G6PD: variants seen among roughly 807,000 people sequenced by gnomAD.
G6PD encodes the protein glucose-6-phosphate dehydrogenase, also known as glucose-6-phosphate 1-dehydrogenase.
In G6PD, 2 loss-of-function variants were observed where a neutral mutation model predicts 38.2. The observed-to-expected ratio is 0.05, with a 90% CI of 0.02 to 0.16. G6PD has a LOEUF of 0.16. G6PD is among the 10% of genes least tolerant of loss of function. G6PD has a pLI of 1.00. For missense variants in G6PD, 310 were observed against 471.6 expected (o/e 0.66, Z 3.17); for synonymous variants, 188 against 196.0 (o/e 0.96, Z 0.34).
chrX:154,532,856 T>TGC (rs1557229799), intron 9 of G6PD, 54 bp from the exon 10 acceptor site: 2 of 1,201,605 alleles, frequency 1.7e-6, no homozygotes, highest in East Asian at 5.9e-5. Context: ...TGTGGACCAG[T>TGC]GCGTGAGTGT....
chrX:154,532,520 G>A (rs2070351277), intron 10 of G6PD, 47 bp downstream of exon 10: 9 of 1,204,175 alleles, frequency 7.5e-6, no homozygotes, highest in Middle Eastern at 2.3e-4. Flanking sequence ...GGAGTCCCCC[G>A]GGCCCAGGCC....
At chrX:154,535,887 G>A (rs1557230732) in intron 4 of G6PD, 50 bp downstream of exon 4, 2 of 1,053,986 alleles carry the variant, frequency 1.9e-6, no homozygotes, top group South Asian at 3.8e-5. Flanking sequence ...CATGCTGGGG[G>A]CTGGTAGAGA....
chrX:154,543,933 T>C (rs2070605487), intron 2 of G6PD, among the ~76,000 whole-genome samples: 2 of 108,452 alleles, frequency 1.8e-5, no homozygotes, highest in Non-Finnish European at 3.8e-5. Flanking sequence ...AGTGTTGCGA[T>C]TTCTGCTCAC....
At position 154,535,977 on chromosome X, in the gene G6PD, G is replaced by A. The variant is rs2148331887; in HGVS notation, c.227C>T (p.Thr76Ile). The A allele has an allele frequency of 8.3e-7, 1 of 1,212,084 alleles. No individual in the cohort carries two copies. Among genetic ancestry groups the A allele is most frequent in the Admixed American group, 2.2e-5 (1 of 46,095 alleles). Residue 76 changes from threonine to isoleucine, a missense_variant, in exon 4 of 13, where the codon ACA becomes ATA. Transcript: ENST00000393562. ...FIVGYARSRL[T>I]VADIRKQSEP... is the part of the protein sequence containing the mutation. Reference sequence around the variant, plus strand: ...ACTCTGTTTGCGGATGTCAGCCACTGTGAGGCGGGAACGGGCATAGCCCAC... The same window carrying A: ...ACTCTGTTTGCGGATGTCAGCCACTATGAGGCGGGAACGGGCATAGCCCAC...
Position 154,531,868 on chromosome X carries a change from C to G in G6PD, c.*132G>C. ...CTCGGGTAGTAGCAGCAGCGAGGGG[C>G]GGGCCAGGGTGGCCAGAGCCCGGGG... is the stretch of plus-strand genomic sequence containing the variant. On this transcript the variant is annotated 3_prime_UTR_variant, in exon 13 of 13. Coordinates refer to ENST00000393562, the MANE Select transcript of G6PD (RefSeq NM_001360016.2). The G allele has an allele frequency of 9.6e-7, 1 of 1,042,592 alleles. No individual in the cohort carries two copies. Among genetic ancestry groups the G allele is most frequent in the East Asian group, 3.3e-5 (1 of 29,959 alleles). 85.9% of individuals were successfully genotyped at this position (1,042,592 alleles called of 1,213,427 possible). A position where few individuals can be genotyped will look rare whatever the true frequency, so the allele number is the denominator to read the frequency against.
At chrX:154,532,123 G>A in intron 12 of G6PD, 33 bp from the exon 13 acceptor site, 1 of 1,200,800 alleles carries the variant, frequency 8.3e-7, no homozygotes, top group Middle Eastern at 2.5e-4. Flanking sequence ...GAGGCATGAG[G>A]TAGCTCCACC....
intron 5 of G6PD, 82 bp downstream of exon 5, chrX:154,535,086 C>G: frequency 1.0e-6 from 1 of 978,719 alleles, no homozygotes; most frequent in Non-Finnish European, 1.5e-6. Context: ...AGATCCCCGG[C>G]CCCGGACACG....
At position 154,535,165 on chromosome X, in the gene G6PD, T is replaced by C. The variant is rs2070392633; in HGVS notation, c.485+3A>G. 3.3e-6 allele frequency: 4 copies of C among 1,208,569 alleles called. No individual in the cohort carries two copies. The highest frequency in any genetic ancestry group is 3.0e-5 in the East Asian group (1 of 33,780). On this transcript the variant is annotated splice_donor_region_variant and intron_variant, in intron 5 of 12. Coordinates refer to ENST00000393562, the MANE Select transcript of G6PD (RefSeq NM_001360016.2). ...GGGAAGGGAGGGCAACGGCAAGCCT[T>C]ACATCTGGCTCATGCAGGACTCGTG...
In G6PD at chrX:154,533,624, G is replaced by A; in HGVS notation, c.816C>T (p.Ala272=). ...NHLLQMLCLV[A]MEKPASTNSD... The stretch of plus-strand genomic sequence containing the variant: ...AGTTGGTGGAGGCGGGCTTCTCCAT[G>A]GCCACCAGACACAGCATCTGCAGTA... The change falls in exon 8 of 13, where the codon GCC becomes GCT. Residue 272 remains alanine, a synonymous_variant. Transcript: ENST00000393562. The A allele has an allele frequency of 8.2e-7, 1 of 1,212,153 alleles. No individual in the cohort carries two copies. The highest frequency in any genetic ancestry group is 1.1e-6 in the Non-Finnish European group (1 of 895,554).
At chrX:154,539,600 G>C (rs2070453634) in intron 2 of G6PD, among the ~76,000 whole-genome samples, 1 of 111,501 alleles carries the variant, frequency 9.0e-6, no homozygotes, top group African/African-American at 3.3e-5. Context: ...CCCCAGGTGA[G>C]GGGGCTTCCT....
At chrX:154,541,603 G>A (rs369212076) in intron 2 of G6PD, among the ~76,000 whole-genome samples, 2 of 111,879 alleles carry the variant, frequency 1.8e-5, no homozygotes, top group East Asian at 2.8e-4. Flanking sequence ...GAGTCTACTC[G>A]TGCCATGTGG....
Position 154,546,843 on chromosome X carries a change from T to G in G6PD, c.-63A>C, listed in dbSNP as rs1557233558. 3.5e-6 allele frequency: 4 copies of G among 1,134,867 alleles called. No homozygotes were observed. The highest frequency in any genetic ancestry group is 4.7e-6 in the Non-Finnish European group (4 of 858,743). The allele number at this position is 1,134,867 out of a possible 1,213,427, so 93.5% of individuals were successfully genotyped here. A position where few individuals can be genotyped will look rare whatever the true frequency, so the allele number is the denominator to read the frequency against. ...TCGCAGCCCCGAAGTGTACGACCGT[T>G]TCCGGGGGCTGAGCCCCGCCGGCCC... is the stretch of plus-strand genomic sequence containing the variant. On this transcript the variant is annotated 5_prime_UTR_variant, in exon 1 of 13. Coordinates refer to ENST00000393562, the MANE Select transcript of G6PD (RefSeq NM_001360016.2).
At position 154,534,636 on chromosome X, in the gene G6PD, G is replaced by C. The variant is rs1557230450; in HGVS notation, c.486-140C>G. On this transcript the variant is annotated intron_variant, in intron 5 of 12. Transcript: ENST00000393562. ...CCCGTGGCCACCTCCCGTGCCTTGT[G>C]TTCCCAGATGACCCTCTGGCTCAAC... The C allele has an allele frequency of 4.3e-6, 3 of 690,489 alleles. No individual in the cohort carries two copies. The East Asian group carries it at 1.1e-4, about 24-fold the overall frequency. The allele number at this position is 690,489 out of a possible 1,213,427, so 56.9% of individuals were successfully genotyped here. A position where few individuals can be genotyped will look rare whatever the true frequency, so the allele number is the denominator to read the frequency against.
At chrX:154,536,849 AAGAT>A (rs1268247776) in intron 2 of G6PD, among the ~76,000 whole-genome samples, 1 of 111,970 alleles carries the variant, frequency 8.9e-6, no homozygotes, top group Non-Finnish European at 1.9e-5. Context: ...AAGTGAGAAA[AAGAT>A]AGAACTGCAA....
intron 2 of G6PD, 197 bp downstream of exon 2, chrX:154,545,839 A>T: frequency 4.3e-6 from 1 of 232,339 alleles, no homozygotes; most frequent in Non-Finnish European, 7.3e-6. Flanking sequence ...CCGTCTCCAA[A>T]AAAAAAAAAA....
chrX:154,544,382 G>C (rs902528857), intron 2 of G6PD, among the ~76,000 whole-genome samples: 5 of 107,935 alleles, frequency 4.6e-5, no homozygotes, highest in East Asian at 2.9e-4. Flanking sequence ...GGATGGTCTC[G>C]ATCTCTTGAC....
In G6PD at chrX:154,533,090, G is replaced by T. The variant is rs782271022; in HGVS notation, c.903C>A (p.Asn301Lys). 4 of 1,211,122 alleles carry T rather than the reference G, an allele frequency of 3.3e-6. No individual in the cohort carries two copies. The highest frequency in any genetic ancestry group is 2.2e-5 in the Admixed American group (1 of 46,025). Residue 301 changes from asparagine to lysine, a missense_variant, in exon 9 of 13, where the codon AAC becomes AAA. Coordinates refer to ENST00000393562, the MANE Select transcript of G6PD (RefSeq NM_001360016.2). ...CCACGTACTGGCCCAGGACCACATT[G>T]TTGGCCTGCACCTCTGAGATGCATT... ...VLKCISEVQA[N>K]NVVLGQYVGN...
chrX:154,535,012 C>T (rs1340401510), intron 5 of G6PD, 156 bp downstream of exon 5: 3 of 558,194 alleles, frequency 5.4e-6, no homozygotes, highest in Admixed American at 2.7e-5. Flanking sequence ...GGCGGTGTTT[C>T]GTGGAGCAAC....
intron 5 of G6PD, 78 bp downstream of exon 5, chrX:154,535,089 CG>C: frequency 2.0e-6 from 2 of 1,000,162 alleles, no homozygotes; most frequent in Non-Finnish European, 2.8e-6. Context: ...TCCCCGGCCC[CG>C]GACACGCTCA....
Sources: gnomAD v4.1 joint callset for allele counts (sites outside exome capture counted in the v4.1 genomes callset) on GRCh38, gnomAD v4.1.1 for gene constraint, MANE v1.5 for transcripts, NCBI Gene and HGNC (gene_info 2026-07-23, HGNC 2026-07-21) for gene names.